The following TSPAN14 variants were observed in gnomAD, a reference collection of about 807,000 sequenced individuals.
TSPAN14 encodes the protein tetraspanin-14.
A neutral mutation model predicts 36.6 loss-of-function variants in TSPAN14; 16 were observed. That is an observed-to-expected ratio of 0.44 (90% CI 0.30 to 0.66). The LOEUF (loss-of-function observed/expected upper bound fraction) is 0.66, where lower values mean the gene tolerates loss of function less well. Ranked by LOEUF, TSPAN14 falls within the 30% of genes least tolerant of loss-of-function variation. The probability of loss-of-function intolerance (pLI) is 0.12; values close to 1 mark genes in which losing one functional copy is unlikely to be tolerated. For missense variants in TSPAN14, 231 were observed against 355.1 expected (o/e 0.65, Z 2.81); for synonymous variants, 139 against 143.8 (o/e 0.97, Z 0.24).
exon 9 of TSPAN14, chr10:80,522,549 C>T (rs1157305580): frequency 6.6e-6 from 1 of 152,024 alleles, no homozygotes; most frequent in East Asian, 1.9e-4. Flanking sequence ...TAAATTATCA[C>T]CTTGGACTGT....
At chr10:80,455,580 C>T (rs1845699330) in intron 1 of TSPAN14, among the ~76,000 whole-genome samples, 1 of 152,072 alleles carries the variant, frequency 6.6e-6, no homozygotes, top group South Asian at 2.1e-4. Context: ...GCTGAGTGCT[C>T]CGGCCACCCT....
At chr10:80,513,572 G>A (rs915020023) in intron 6 of TSPAN14, among the ~76,000 whole-genome samples, 2 of 152,322 alleles carry the variant, frequency 1.3e-5, no homozygotes, top group Middle Eastern at 3.4e-3. Context: ...AGCAAACTGT[G>A]GCCCCCAGGC....
intron 1 of TSPAN14, among the ~76,000 whole-genome samples, chr10:80,481,914 C>T (rs1276333930): frequency 1.3e-5 from 2 of 151,968 alleles, no homozygotes; most frequent in African/African-American, 4.8e-5. Flanking sequence ...CCACCATGCC[C>T]GGCTAATTGT....
At chr10:80,500,815 C>A (rs1292909082) in intron 2 of TSPAN14, among the ~76,000 whole-genome samples, 2 of 152,174 alleles carry the variant, frequency 1.3e-5, no homozygotes, top group African/African-American at 4.8e-5. Context: ...CGGTAAGCGG[C>A]CCTACAGCGG....
At chr10:80,503,588 C>T (rs1452517438) in intron 2 of TSPAN14, among the ~76,000 whole-genome samples, 1 of 151,856 alleles carries the variant, frequency 6.6e-6, no homozygotes, top group African/African-American at 2.4e-5. Flanking sequence ...GAAGCTGTGA[C>T]CCCTCTAAAA....
chr10:80,504,670 T>C (rs1840189521), intron 2 of TSPAN14, 58 bp from the exon 3 acceptor site: 2 of 1,601,048 alleles, frequency 1.2e-6, no homozygotes, highest in Non-Finnish European at 1.7e-6. Flanking sequence ...CTGTGAAGCA[T>C]GTTCACAGTG....
exon 9 of TSPAN14, chr10:80,522,342 T>C: frequency 6.6e-6 from 1 of 152,002 alleles, no homozygotes; most frequent in South Asian, 2.1e-4. Flanking sequence ...GATACCCAGT[T>C]TCTACTAAAA....
chr10:80,483,509 G>A (rs1847405907), intron 1 of TSPAN14, among the ~76,000 whole-genome samples: 1 of 152,094 alleles, frequency 6.6e-6, no homozygotes, highest in Admixed American at 6.6e-5. Context: ...TTTTTGGGTG[G>A]TAAATGTAAC....
At chr10:80,483,352 C>T (rs759371313) in intron 1 of TSPAN14, among the ~76,000 whole-genome samples, 2 of 152,234 alleles carry the variant, frequency 1.3e-5, no homozygotes, top group Non-Finnish European at 2.9e-5. Flanking sequence ...CATTTTCATG[C>T]TCTTAACATT....
At chr10:80,479,510 T>A (rs1847124324) in intron 1 of TSPAN14, among the ~76,000 whole-genome samples, 1 of 152,216 alleles carries the variant, frequency 6.6e-6, no homozygotes, top group Non-Finnish European at 1.5e-5. Context: ...TTTCTACATA[T>A]GGCTAGCCAG....
At chr10:80,499,747 T>A (rs1848391089) in intron 2 of TSPAN14, among the ~76,000 whole-genome samples, 1 of 152,152 alleles carries the variant, frequency 6.6e-6, no homozygotes. Context: ...TTAGGTCCAT[T>A]AAGTATTTAA....
chr10:80,516,976 TAGG>T (rs1840972502), intron 8 of TSPAN14, among the ~76,000 whole-genome samples: 1 of 152,170 alleles, frequency 6.6e-6, no homozygotes, highest in African/African-American at 2.4e-5. Context: ...TGGTGACTGC[TAGG>T]AGAAGAACTG....
At chr10:80,518,131 C>T in exon 9 of TSPAN14, 1 of 794,516 alleles carries the variant, frequency 1.3e-6, no homozygotes, top group South Asian at 1.7e-5. Flanking sequence ...TTTCTGCTTG[C>T]TGGTGCTGAA....
rs1333731948 is a variant in TSPAN14, at chr10:80,489,148, A to G, written c.-17-69A>G. 22 of 1,027,578 alleles carry G rather than the reference A, an allele frequency of 2.1e-5. No individual in the cohort carries two copies. In the South Asian group the frequency reaches 2.5e-4, roughly 12 times the overall value. 63.7% of individuals were successfully genotyped at this position (1,027,578 alleles called of 1,614,324 possible). A position where few individuals can be genotyped will look rare whatever the true frequency, so the allele number is the denominator to read the frequency against. ...ATCGGGAGCTTTCTAGAATCCGCAT[A>G]TGAGCTGGTTTGGGGGAAAGGTTTT... is the stretch of plus-strand genomic sequence containing the variant. On this transcript the variant is annotated intron_variant, in intron 1 of 8. Coordinates refer to ENST00000429989, the Ensembl canonical transcript of TSPAN14.
intron 2 of TSPAN14, among the ~76,000 whole-genome samples, chr10:80,504,228 C>T (rs1840161341): frequency 6.6e-6 from 1 of 152,214 alleles, no homozygotes; most frequent in Non-Finnish European, 1.5e-5. Flanking sequence ...TGCCTGGAGT[C>T]TATCTCCAGG....
At chr10:80,466,092 T>C (rs1469628979) in intron 1 of TSPAN14, among the ~76,000 whole-genome samples, 1 of 152,188 alleles carries the variant, frequency 6.6e-6, no homozygotes, top group Non-Finnish European at 1.5e-5. Context: ...AGAGTTGTTT[T>C]GTATAGAACT....
At position 80,509,459 on chromosome 10, in the gene TSPAN14, C is replaced by A; in HGVS notation, c.438C>A (p.Ser146=). 1.2e-6 allele frequency: 2 copies of A among 1,613,782 alleles called. No homozygotes were observed. The highest frequency in any genetic ancestry group is 1.7e-6 in the Non-Finnish European group (2 of 1,179,916). The change falls in exon 5 of 9, where the codon TCC becomes TCA. Residue 146 remains serine (S), a synonymous_variant. Coordinates refer to ENST00000429989, the Ensembl canonical transcript of TSPAN14. This position sits in a 1 kb window ranked among gnomAD's most constrained non-coding sequence, Gnocchi z 4.7. The stretch of plus-strand genomic sequence containing the variant: ...TCGATCTGCAAAACCTCATCGACTC[C>A]CTTCAGAAAGCTGTAAGCACCTCCC...
chr10:80,455,981 A>G (rs1273813416), intron 1 of TSPAN14, among the ~76,000 whole-genome samples: 2 of 152,116 alleles, frequency 1.3e-5, no homozygotes. Flanking sequence ...CCCCAACTTC[A>G]GTTGGAGACT....
At chr10:80,478,215 A>G (rs1365857910) in intron 1 of TSPAN14, among the ~76,000 whole-genome samples, 1 of 152,256 alleles carries the variant, frequency 6.6e-6, no homozygotes, top group Non-Finnish European at 1.5e-5. Context: ...CAGTTAGAAA[A>G]CAAAGTTATC....
Sources: gnomAD v4.1 joint callset for allele counts (sites outside exome capture counted in the v4.1 genomes callset) on GRCh38, gnomAD v4.1.1 for gene constraint, Gnocchi (gnomAD v3.1) non-coding constraint, MANE v1.5 for transcripts, NCBI Gene and HGNC (gene_info 2026-07-23, HGNC 2026-07-21) for gene names.